The following NME2 variants were observed in gnomAD, a reference collection of about 807,000 sequenced individuals.
The protein encoded by NME2 is NME/NM23 nucleoside diphosphate kinase 2, also known as nucleoside diphosphate kinase B.
Under a neutral mutation model 17.8 loss-of-function variants are expected in NME2, and 18 were observed. That is an observed-to-expected ratio of 1.01 (90% CI 0.70 to 1.50). The LOEUF (loss-of-function observed/expected upper bound fraction) is 1.50, where lower values mean the gene tolerates loss of function less well. Among genes scored for constraint, NME2 ranks in the 40% most tolerant of loss-of-function variants. NME2 has a pLI of 0.00. For missense variants in NME2, 161 were observed against 195.6 expected, an observed-to-expected ratio of 0.82 and a Z score of 1.05; for synonymous variants, 74 against 71.4, an observed-to-expected ratio of 1.04 and a Z score of -0.19.
Position 51,168,363 on chromosome 17 carries a change from G to A in NME2, c.228+20G>A. On this transcript the variant is annotated intron_variant, in intron 3 of 4. Coordinates refer to ENST00000512737, the MANE Select transcript of NME2 (RefSeq NM_002512.4). Reference sequence around the variant, plus strand: ...GCCATGGTGAGTGCTCGTGGGGAATGAGAGAAAATGAGGAAAAAGTGCTCA... The same window carrying A: ...GCCATGGTGAGTGCTCGTGGGGAATAAGAGAAAATGAGGAAAAAGTGCTCA... 6.2e-7 allele frequency: 1 copy of A among 1,611,020 alleles called. No individual in the cohort carries two copies.
Position 51,168,182 on chromosome 17 carries a change from G to A in NME2, c.127-60G>A. 5 of 1,570,706 alleles carry A rather than the reference G, an allele frequency of 3.2e-6. No homozygotes were observed. The South Asian group carries it at 5.7e-5, about 18-fold the overall frequency. ...ACCGGACTTGCTAATGGGAGGTTCAGAGGATGGGTTGGAGTCTTTCCAGCT... is the reference window on the plus strand; with the variant it reads ...ACCGGACTTGCTAATGGGAGGTTCAAAGGATGGGTTGGAGTCTTTCCAGCT... On this transcript the variant is annotated intron_variant, in intron 2 of 4. Coordinates refer to ENST00000512737, the MANE Select transcript of NME2 (RefSeq NM_002512.4).
Position 51,168,938 on chromosome 17 carries a change from GGGCGACAGCAA to G in NME2, c.228+597_228+607del, listed in dbSNP as rs2050008361. Among the ~76,000 whole-genome samples, 3 of 152,222 alleles carry G rather than the reference GGGCGACAGCAA, an allele frequency of 2.0e-5. No homozygotes were observed. The Middle Eastern group carries it at 0.01, about 518-fold the overall frequency. The stretch of plus-strand genomic sequence containing the variant: ...AGATCATGCCACTGCACTCCAGCCT[GGGCGACAGCAA>G]GACTCCATCTCAAAAAAAAATAATA... On this transcript the variant is annotated intron_variant, in intron 3 of 4. Coordinates refer to ENST00000512737, the MANE Select transcript of NME2 (RefSeq NM_002512.4).
At position 51,166,941 on chromosome 17, in the gene NME2, C is replaced by T. The variant is rs1452077705; in HGVS notation, c.111C>T (p.Ala37=). 1.9e-6 allele frequency: 3 copies of T among 1,613,526 alleles called. No individual in the cohort carries two copies. Among genetic ancestry groups the T allele is most frequent in the East Asian group, 2.2e-5 (1 of 44,838 alleles). The change falls in exon 2 of 5, where the codon GCC becomes GCT. Residue 37 remains alanine (A), a synonymous_variant. Coordinates refer to ENST00000512737, the MANE Select transcript of NME2 (RefSeq NM_002512.4). ...AGCAGAAGGGATTCCGCCTCGTGGC[C>T]ATGAAGTTCCTCCGGGTAACTCGCC... The part of the protein sequence containing the change: ...RFEQKGFRLV[A]MKFLRASEEH...
chr17:51,171,036 G>A (rs931893453), intron 4 of NME2, among the ~76,000 whole-genome samples: 2 of 152,172 alleles, frequency 1.3e-5, no homozygotes, highest in African/African-American at 2.4e-5. Context: ...GTTGAAGTGG[G>A]ATAAAGGGAT....
At chr17:51,168,391 GTTCT>G in intron 3 of NME2, 48 bp downstream of exon 3, 1 of 1,591,718 alleles carries the variant, frequency 6.3e-7, no homozygotes, top group Non-Finnish European at 8.6e-7. Flanking sequence ...AGTGCTCAGT[GTTCT>G]TTGTTAGACA....
Position 51,171,640 on chromosome 17 carries a change from G to T in NME2, c.*36G>T, listed in dbSNP as rs748250752. ...CAACAGCAGTCTCCTTCAGCACGGC[G>T]TGGTGTGTCCCTGGACACAGCTCTT... On this transcript the variant is annotated 3_prime_UTR_variant, in exon 5 of 5. Transcript: ENST00000512737. 8.0e-6 allele frequency: 12 copies of T among 1,509,296 alleles called. 1 individual carries two copies. The highest frequency in any genetic ancestry group is 1.0e-5 in the Non-Finnish European group (11 of 1,086,694). The allele number at this position is 1,509,296 out of a possible 1,614,324, so 93.5% of individuals were successfully genotyped here.
In NME2 at chr17:51,168,295, C is replaced by T. The variant is rs1464606549; in HGVS notation, c.180C>T (p.Phe60=). The T allele has an allele frequency of 1.9e-6, 3 of 1,614,054 alleles. No individual in the cohort carries two copies. Among genetic ancestry groups the T allele is most frequent in the Non-Finnish European group, 2.5e-6 (3 of 1,179,966 alleles). The change falls in exon 3 of 5, where the codon TTC becomes TTT. Residue 60 remains phenylalanine (F), a synonymous_variant. Transcript: ENST00000512737. The part of the protein sequence containing the change: ...QHYIDLKDRP[F]FPGLVKYMNS... The stretch of plus-strand genomic sequence containing the variant: ...ACATTGACCTGAAAGACCGACCATT[C>T]TTCCCTGGGCTGGTGAAGTACATGA...
At chr17:51,167,865 C>T (rs1188425446) in intron 2 of NME2, among the ~76,000 whole-genome samples, 1 of 152,102 alleles carries the variant, frequency 6.6e-6, no homozygotes, top group Non-Finnish European at 1.5e-5. Context: ...TTGAGTGCAT[C>T]TGTAGTTCCA....
At chr17:51,169,258 T>A (rs932633422) in intron 3 of NME2, 1 of 151,782 alleles carries the variant, frequency 6.6e-6, no homozygotes, top group African/African-American at 2.4e-5. Context: ...CTGGCCAACA[T>A]GGTGAAACCC....
intron 3 of NME2, among the ~76,000 whole-genome samples, chr17:51,168,649 C>T (rs903167313): frequency 1.3e-5 from 2 of 151,556 alleles, no homozygotes; most frequent in Non-Finnish European, 2.9e-5. Context: ...CCAGCCTGGG[C>T]AACAGAGCGA....
chr17:51,165,672 T>C (rs1450187569), upstream of NME2: 1 of 152,444 alleles, frequency 6.6e-6, no homozygotes, highest in Non-Finnish European at 1.5e-5. Context: ...CGACCGCACT[T>C]TAGTGCCAGG....
Position 51,168,286 on chromosome 17 carries a change from C to A in NME2, c.171C>A (p.Asp57Glu). Residue 57 changes from aspartate to glutamate, a missense_variant, in exon 3 of 5, where the codon GAC (aspartate) becomes GAA (glutamate). Coordinates refer to ENST00000512737, the MANE Select transcript of NME2 (RefSeq NM_002512.4). ...AGCAGCACTACATTGACCTGAAAGA[C>A]CGACCATTCTTCCCTGGGCTGGTGA... ...HLKQHYIDLKDRPFFPGLVKY... is the reference protein window; with the variant it reads ...HLKQHYIDLKERPFFPGLVKY... 5 of 1,614,026 alleles carry A rather than the reference C, an allele frequency of 3.1e-6. No individual in the cohort carries two copies. The highest frequency in any genetic ancestry group is 4.2e-6 in the Non-Finnish European group (5 of 1,179,952).
Position 51,166,815 on chromosome 17 carries a change from C to G in NME2, c.-4-12C>G, listed in dbSNP as rs746227881. ...CTGCGCCCGGGCCCTGACCGCACCT[C>G]TCGCCCCGCAGGACCATGGCCAACC... is the stretch of plus-strand genomic sequence containing the variant. On this transcript the variant is annotated splice_polypyrimidine_tract_variant and intron_variant, in intron 1 of 4. Coordinates refer to ENST00000512737, the MANE Select transcript of NME2 (RefSeq NM_002512.4). 1.9e-6 allele frequency: 3 copies of G among 1,606,324 alleles called. No individual in the cohort carries two copies. Among genetic ancestry groups the G allele is most frequent in the South Asian group, 2.2e-5 (2 of 90,588 alleles).
Position 51,169,991 on chromosome 17 carries a change from A to T in NME2, c.283A>T (p.Asn95Tyr), listed in dbSNP as rs1471310804. 1 of 1,613,398 alleles carries T rather than the reference A, an allele frequency of 6.2e-7. No homozygotes were observed. ...AGGCCGAGTGATGCTTGGGGAGACC[A>T]ATCCAGCAGATTCAAAGCCAGGCAC... Reference protein sequence around the residue: ...KTGRVMLGETNPADSKPGTIR... With the variant: ...KTGRVMLGETYPADSKPGTIR... The change falls in exon 4 of 5, where the codon AAT becomes TAT. Residue 95 changes from asparagine (N) to tyrosine (Y), a missense_variant. Coordinates refer to ENST00000512737, the MANE Select transcript of NME2 (RefSeq NM_002512.4).
chr17:51,168,139 C>T, intron 2 of NME2, 103 bp from the exon 3 acceptor site: 5 of 943,852 alleles, frequency 5.3e-6, no homozygotes, highest in South Asian at 1.5e-5. Context: ...CACTTAGGAA[C>T]GTGGGCTAGA....
chr17:51,167,088 G>A, intron 2 of NME2, 132 bp downstream of exon 2: 1 of 1,548,036 alleles, frequency 6.5e-7, no homozygotes, highest in East Asian at 2.4e-5. Flanking sequence ...CTCTGCCCCC[G>A]CCCACGGCGG....
At chr17:51,170,768 C>T (rs565626118) in intron 4 of NME2, among the ~76,000 whole-genome samples, 5 of 108,464 alleles carry the variant, frequency 4.6e-5, no homozygotes, top group South Asian at 2.9e-4. Flanking sequence ...GCCTGGGCAA[C>T]AAGAACAAAA....
chr17:51,168,320 A>T lies in NME2; in HGVS notation c.205A>T (p.Asn69Tyr). The stretch of plus-strand genomic sequence containing the variant: ...CTTCCCTGGGCTGGTGAAGTACATG[A>T]ACTCAGGGCCGGTTGTGGCCATGGT... ...PFFPGLVKYM[N>Y]SGPVVAMVWE... The change falls in exon 3 of 5, where the codon AAC becomes TAC. Residue 69 changes from asparagine (N) to tyrosine (Y), a missense_variant. Transcript: ENST00000512737. 1 of 1,614,032 alleles carries T rather than the reference A, an allele frequency of 6.2e-7. No individual in the cohort carries two copies. The highest frequency in any genetic ancestry group is 1.1e-5 in the South Asian group (1 of 91,086).
rs1598247874 is a variant in NME2, at chr17:51,167,030, C to T, written c.126+74C>T. ...TTTTTCCCTCCCGGCGGCGGTTTGT[C>T]CGCGTCTGCTTTCCGAGTTCATTTC... On this transcript the variant is annotated intron_variant, in intron 2 of 4. Coordinates refer to ENST00000512737, the MANE Select transcript of NME2 (RefSeq NM_002512.4). The T allele has an allele frequency of 2.5e-6, 4 of 1,607,314 alleles. No individual in the cohort carries two copies. In the South Asian group the frequency reaches 3.3e-5, roughly 13 times the overall value.
Sources: gnomAD v4.1 joint callset for allele counts (sites outside exome capture counted in the v4.1 genomes callset) on GRCh38, gnomAD v4.1.1 for gene constraint, MANE v1.5 for transcripts, NCBI Gene and HGNC (gene_info 2026-07-23, HGNC 2026-07-21) for gene names.